ATP5MC2: variants seen among roughly 807,000 people sequenced by gnomAD.
The protein encoded by ATP5MC2 is ATP synthase membrane subunit c locus 2.
In ATP5MC2, 11 loss-of-function variants were observed where a neutral mutation model predicts 13.5. The ratio of observed to expected loss-of-function variants is 0.81; its 90% CI spans 0.51 to 1.35. The LOEUF is 1.35. ATP5MC2 is among the 40% of genes most tolerant of loss of function. The pLI is 0.00. For missense variants in ATP5MC2, 132 were observed against 175.0 expected (o/e 0.75, Z 1.39); for synonymous variants, 64 against 69.7 (o/e 0.92, Z 0.41).
intron 2 of ATP5MC2, among the ~76,000 whole-genome samples, chr12:53,672,193 C>T (rs1945119544): frequency 6.6e-6 from 1 of 151,712 alleles, no homozygotes; most frequent in Non-Finnish European, 1.5e-5. Flanking sequence ...GAGGGCCTTC[C>T]CTCCCCAAGA....
chr12:53,676,084 C>A (rs771333480), upstream of ATP5MC2: 1 of 1,614,224 alleles, frequency 6.2e-7, no homozygotes, highest in Non-Finnish European at 8.5e-7. Context: ...CAGAGAGGGG[C>A]GGAGCAGCGG....
rs145677978 is a variant in ATP5MC2, at chr12:53,670,770, C to T, written c.40-822G>A. Among the ~76,000 whole-genome samples, 204 of 151,840 alleles carry T rather than the reference C, an allele frequency of 1.3e-3. 2 individuals carry two copies. In the East Asian group the frequency reaches 0.029, roughly 21 times the overall value. On this transcript the variant is annotated intron_variant, in intron 2 of 4. Coordinates refer to ENST00000394349, the MANE Select transcript of ATP5MC2 (RefSeq NM_005176.7). ...CCCAAGTAGCTGGGACTACAGGCGC[C>T]GGCAACCACGCCCAGCTAATTTTTG...
chr12:53,670,812 A>G (rs183452694), intron 2 of ATP5MC2, among the ~76,000 whole-genome samples: 1 of 151,976 alleles, frequency 6.6e-6, no homozygotes, highest in East Asian at 1.9e-4. Flanking sequence ...TAGTAGAGAC[A>G]GGTTTTCACC....
chr12:53,676,132 G>A (rs749743190), upstream of ATP5MC2: 2 of 1,614,230 alleles, frequency 1.2e-6, no homozygotes, highest in Admixed American at 3.3e-5. Flanking sequence ...GCGTGACCCG[G>A]GCCAACGAGT....
chr12:53,676,980 G>C (rs1314910460), upstream of ATP5MC2: 2 of 152,284 alleles, frequency 1.3e-5, no homozygotes, highest in Non-Finnish European at 2.9e-5. Context: ...CTGCCCTTTG[G>C]AACAGGGCGA....
At chr12:53,667,016 TC>T (rs1263045888) in intron 4 of ATP5MC2, among the ~76,000 whole-genome samples, 1 of 151,370 alleles carries the variant, frequency 6.6e-6, no homozygotes, top group Admixed American at 6.6e-5. Context: ...GATAAAGGAC[TC>T]CCAGTGTTGA....
chr12:53,666,577 C>CAA (rs1337687568), intron 4 of ATP5MC2, among the ~76,000 whole-genome samples: 8 of 120,680 alleles, frequency 6.6e-5, no homozygotes, highest in African/African-American at 1.8e-4. Flanking sequence ...GACTCTGTCT[C>CAA]AAAAAAAAAA....
rs1429010717 is a variant in ATP5MC2, at chr12:53,676,047, C to T, written c.-32+6G>A. On this transcript the variant is annotated splice_donor_region_variant and intron_variant, in intron 1 of 4. Coordinates refer to ENST00000394349, the MANE Select transcript of ATP5MC2 (RefSeq NM_005176.7). Reference sequence around the variant, plus strand: ...GCACAGAGGGCTCTAGGTCCCAAGGCCTTACCTGCTCCCACTGCAGAGAAG... The same window carrying T: ...GCACAGAGGGCTCTAGGTCCCAAGGTCTTACCTGCTCCCACTGCAGAGAAG... 4 of 1,613,380 alleles carry T rather than the reference C, an allele frequency of 2.5e-6. No individual in the cohort carries two copies. Among genetic ancestry groups the T allele is most frequent in the Non-Finnish European group, 3.4e-6 (4 of 1,179,784 alleles).
chr12:53,676,182 A>T, upstream of ATP5MC2: 1 of 1,613,552 alleles, frequency 6.2e-7, no homozygotes, highest in Non-Finnish European at 8.5e-7. Flanking sequence ...ATACAGGATC[A>T]GCTCAGGCAT....
chr12:53,672,571 C>G lies in ATP5MC2; in HGVS notation c.39+5G>C. The G allele has an allele frequency of 6.4e-7, 1 of 1,572,128 alleles. No homozygotes were observed. The highest frequency in any genetic ancestry group is 8.6e-7 in the Non-Finnish European group (1 of 1,157,582). On this transcript the variant is annotated splice_donor_5th_base_variant and intron_variant, in intron 2 of 4. Transcript: ENST00000394349. The stretch of plus-strand genomic sequence containing the variant: ...TAAAACTCTCCCAGAAAAGCAGGTA[C>G]TCACCAAGGAGGGAGTGGAGACAAA...
intron 4 of ATP5MC2, among the ~76,000 whole-genome samples, chr12:53,667,406 G>A (rs1271514595): frequency 2.6e-5 from 4 of 152,170 alleles, no homozygotes; most frequent in Non-Finnish European, 4.4e-5. Context: ...AACTTTTTCT[G>A]TAAAGGGCCA....
At chr12:53,674,845 C>A (rs867631906) in intron 1 of ATP5MC2, among the ~76,000 whole-genome samples, 1 of 152,312 alleles carries the variant, frequency 6.6e-6, no homozygotes, top group South Asian at 2.1e-4. Context: ...TGCTGCCGTA[C>A]TATTCAGGTT....
At chr12:53,668,604 A>G (rs1473645227) in intron 4 of ATP5MC2, among the ~76,000 whole-genome samples, 1 of 152,008 alleles carries the variant, frequency 6.6e-6, no homozygotes, top group Non-Finnish European at 1.5e-5. Context: ...CCAGCCAAAC[A>G]TTCTATATTT....
intron 1 of ATP5MC2, among the ~76,000 whole-genome samples, chr12:53,675,728 C>A (rs1311388940): frequency 6.6e-6 from 1 of 152,152 alleles, no homozygotes; most frequent in Non-Finnish European, 1.5e-5. Context: ...GGGGTTGTCA[C>A]AATCTGAAAG....
At chr12:53,681,233 G>GA (rs771435811), upstream of ATP5MC2, among the ~76,000 whole-genome samples, 97 of 150,202 alleles carry the variant, frequency 6.5e-4, 2 homozygotes, top group East Asian at 8.0e-4. Flanking sequence ...AAAAGAAAAA[G>GA]AAAAAAACAA....
At chr12:53,667,116 T>C (rs1448224631) in intron 4 of ATP5MC2, among the ~76,000 whole-genome samples, 1 of 152,156 alleles carries the variant, frequency 6.6e-6, no homozygotes, top group Non-Finnish European at 1.5e-5. Flanking sequence ...TTTAACAGAA[T>C]AGTGAATAAA....
chr12:53,667,997 A>ATATATATATATATATATT (rs1944983859), intron 4 of ATP5MC2, among the ~76,000 whole-genome samples: 2 of 126,840 alleles, frequency 1.6e-5, no homozygotes, highest in Non-Finnish European at 3.3e-5. Flanking sequence ...ATATATATAA[A>ATATATATATATATATATT]TTTTTTTTTT....
intron 1 of ATP5MC2, among the ~76,000 whole-genome samples, chr12:53,674,780 C>T (rs1028158367): frequency 1.3e-5 from 2 of 152,198 alleles, no homozygotes; most frequent in African/African-American, 4.8e-5. Context: ...ATGTCTTCAA[C>T]TCTTGTCCTA....
chr12:53,670,384 C>CAT (rs1945060219), intron 2 of ATP5MC2: 1 of 336,742 alleles, frequency 3.0e-6, no homozygotes, highest in Non-Finnish European at 5.8e-6. Context: ...TACCAAACAC[C>CAT]ATAGTCTGGC....
Sources: gnomAD v4.1 joint callset for allele counts (sites outside exome capture counted in the v4.1 genomes callset) on GRCh38, gnomAD v4.1.1 for gene constraint, MANE v1.5 for transcripts, NCBI Gene and HGNC (gene_info 2026-07-23, HGNC 2026-07-21) for gene names.